The following PCDH11Y variants were observed in gnomAD, a reference collection of about 807,000 sequenced individuals.
PCDH11Y encodes protocadherin 11 Y-linked.
For synonymous variants in PCDH11Y, 9 were observed against 83.6 expected (o/e 0.11, Z 4.87); for missense variants, 12 against 224.8 (o/e 0.05, Z 6.05).
intron 3 of PCDH11Y, among the ~76,000 whole-genome samples, chrY:5,570,955 A>G (rs2053438865): frequency 3.2e-5 from 1 of 31,459 alleles, no homozygotes; most frequent in Non-Finnish European, 7.8e-5. Flanking sequence ...ATTACAAGAA[A>G]TCACAACTTC....
intron 3 of PCDH11Y, among the ~76,000 whole-genome samples, chrY:5,577,001 T>C (rs2053446811): frequency 3.0e-5 from 1 of 33,146 alleles, no homozygotes; most frequent in Non-Finnish European, 7.5e-5. Flanking sequence ...CTAATTCTAC[T>C]TATGTCTCTA....
At chrY:5,534,616 T>C in intron 3 of PCDH11Y, among the ~76,000 whole-genome samples, 3 of 33,210 alleles carry the variant, frequency 9.0e-5, no homozygotes, top group Non-Finnish European at 1.5e-4. Context: ...GGCATTTACG[T>C]TGGTTCCATG....
At chrY:5,667,108 C>CTATA (rs58527993) in intron 4 of PCDH11Y, among the ~76,000 whole-genome samples, 766 of 22,776 alleles carry the variant, frequency 0.034, no homozygotes, top group Middle Eastern at 0.27. Context: ...GCCATCATGG[C>CTATA]TATATATATA....
intron 2 of PCDH11Y, among the ~76,000 whole-genome samples, chrY:5,250,468 A>G (rs2053002811): frequency 3.2e-5 from 1 of 31,587 alleles, no homozygotes; most frequent in Admixed American, 3.0e-4. Context: ...ATGCAGGAAT[A>G]TAGATGAAGC....
At chrY:5,208,693 A>C in intron 2 of PCDH11Y, among the ~76,000 whole-genome samples, 1 of 34,172 alleles carries the variant, frequency 2.9e-5, no homozygotes, top group African/African-American at 1.1e-4. Flanking sequence ...CTTTAAAATA[A>C]AGTGAAATCT....
At chrY:5,382,381 A>G in intron 2 of PCDH11Y, among the ~76,000 whole-genome samples, 1 of 33,418 alleles carries the variant, frequency 3.0e-5, no homozygotes, top group Admixed American at 2.8e-4. Context: ...TTATTAGGAA[A>G]GGGTTAAAGT....
intron 2 of PCDH11Y, among the ~76,000 whole-genome samples, chrY:5,172,194 G>T (rs207480161): frequency 3.0e-5 from 1 of 32,941 alleles, no homozygotes; most frequent in East Asian, 8.1e-4. Flanking sequence ...ATGGGAACTT[G>T]CGGTGCAGTG....
chrY:5,504,320 A>G, intron 3 of PCDH11Y, among the ~76,000 whole-genome samples: 1 of 31,570 alleles, frequency 3.2e-5, no homozygotes, highest in Non-Finnish European at 7.8e-5. Flanking sequence ...GACAAAGTCA[A>G]TAAAATATCC....
chrY:5,642,434 T>C, intron 4 of PCDH11Y, among the ~76,000 whole-genome samples: 2 of 33,422 alleles, frequency 6.0e-5, no homozygotes, highest in South Asian at 1.3e-3. Context: ...ATTTATTAGT[T>C]TGGATGAGTC....
At chrY:5,143,008 G>T in intron 2 of PCDH11Y, among the ~76,000 whole-genome samples, 1 of 32,874 alleles carries the variant, frequency 3.0e-5, no homozygotes, top group Non-Finnish European at 7.5e-5. Context: ...TTGAGGTAGA[G>T]TCAGAATATT....
chrY:5,466,489 A>G, intron 2 of PCDH11Y, among the ~76,000 whole-genome samples: 2 of 32,643 alleles, frequency 6.1e-5, no homozygotes, highest in African/African-American at 2.4e-4. Flanking sequence ...TTTATTATGA[A>G]TTCTGTATTC....
intron 2 of PCDH11Y, among the ~76,000 whole-genome samples, chrY:5,455,118 G>A: frequency 9.0e-5 from 3 of 33,476 alleles, no homozygotes; most frequent in African/African-American, 2.4e-4. Context: ...AGCAGGCACA[G>A]CACTTCTTGG....
intron 4 of PCDH11Y, among the ~76,000 whole-genome samples, chrY:5,677,991 T>C (rs2053554907): frequency 6.0e-5 from 2 of 33,309 alleles, no homozygotes; most frequent in Admixed American, 5.6e-4. Flanking sequence ...TTATAGATAG[T>C]TTCAGAATAA....
intron 3 of PCDH11Y, among the ~76,000 whole-genome samples, chrY:5,579,232 T>A (rs2124697245): frequency 2.1e-4 from 7 of 33,172 alleles, no homozygotes; most frequent in African/African-American, 7.0e-4. Context: ...ATTGTTCTCA[T>A]GATAAATTTT....
intron 2 of PCDH11Y, among the ~76,000 whole-genome samples, chrY:5,325,807 TG>T (rs2053119096): frequency 3.1e-5 from 1 of 32,548 alleles, no homozygotes; most frequent in Non-Finnish European, 7.5e-5. Flanking sequence ...CAAGTTTTTT[TG>T]GGGGCACAGT....
At chrY:5,736,678 C>G in intron 4 of PCDH11Y, among the ~76,000 whole-genome samples, 2 of 32,373 alleles carry the variant, frequency 6.2e-5, no homozygotes, top group Non-Finnish European at 1.5e-4. Context: ...ATACTTGGAT[C>G]TCTAGTTTAT....
chrY:5,628,851 A>G (rs2053509859), intron 4 of PCDH11Y, among the ~76,000 whole-genome samples: 1 of 33,381 alleles, frequency 3.0e-5, no homozygotes, highest in African/African-American at 1.2e-4. Context: ...AAACGTGAGG[A>G]TAAGAGTTAG....
intron 2 of PCDH11Y, among the ~76,000 whole-genome samples, chrY:5,262,233 C>T: frequency 3.1e-5 from 1 of 32,703 alleles, no homozygotes; most frequent in African/African-American, 1.2e-4. Context: ...CAAAGCATTC[C>T]TATTTGTTCA....
chrY:5,011,444 G>T (rs2124618232), intron 1 of PCDH11Y, among the ~76,000 whole-genome samples: 21 of 34,022 alleles, frequency 6.2e-4, no homozygotes, highest in African/African-American at 2.4e-3. Flanking sequence ...GAACATATCA[G>T]CTAATCATTC....
Sources: allele counts gnomAD v4.1 joint callset (sites outside exome capture counted in the v4.1 genomes callset), GRCh38; gene constraint gnomAD v4.1.1; transcripts MANE v1.5; gene names NCBI Gene and HGNC (gene_info 2026-07-23, HGNC 2026-07-21).